Variants in RNF182 observed in about 807,000 individuals in gnomAD.
RNF182 encodes ring finger protein 182.
A neutral mutation model predicts 14.4 loss-of-function variants in RNF182; 15 were observed. That is an observed-to-expected ratio of 1.04 (90% confidence interval 0.70 to 1.60). RNF182 has a LOEUF of 1.60. Ranked by LOEUF, RNF182 falls within the 40% of genes most tolerant of loss-of-function variation. RNF182 has a pLI of 0.00. For missense variants in RNF182, 268 were observed against 294.8 expected (o/e 0.91, Z 0.67); for synonymous variants, 128 against 122.9 (o/e 1.04, Z -0.27).
intron 1 of RNF182, among the ~76,000 whole-genome samples, chr6:13,965,305 G>T (rs1400267267): frequency 6.6e-6 from 1 of 152,100 alleles, no homozygotes; most frequent in East Asian, 1.9e-4. Flanking sequence ...AAATATAAAG[G>T]AATGGAAACC....
chr6:13,942,948 A>G (rs1759337880), intron 1 of RNF182, among the ~76,000 whole-genome samples: 1 of 152,200 alleles, frequency 6.6e-6, no homozygotes, highest in African/African-American at 2.4e-5. Context: ...TTGTAGGTGT[A>G]GCATTCAATG....
At chr6:13,931,510 GT>G (rs1758968431) in intron 1 of RNF182, among the ~76,000 whole-genome samples, 1 of 152,136 alleles carries the variant, frequency 6.6e-6, no homozygotes, top group Admixed American at 6.5e-5. Flanking sequence ...ATGACATGGG[GT>G]TTTCCTGGAA....
chr6:13,972,319 AAAG>A (rs1051143049), intron 1 of RNF182, among the ~76,000 whole-genome samples: 3 of 151,936 alleles, frequency 2.0e-5, no homozygotes, highest in Non-Finnish European at 4.4e-5. Context: ...AAAAAAAAAA[AAAG>A]CAGGGCATAA....
At chr6:13,928,936 A>G (rs1464515087) in intron 1 of RNF182, among the ~76,000 whole-genome samples, 5 of 152,138 alleles carry the variant, frequency 3.3e-5, no homozygotes, top group African/African-American at 1.2e-4. Context: ...TGATGGCTCT[A>G]ATAATCTCTT....
chr6:13,977,858 T>C lies in RNF182; in HGVS notation c.739T>C (p.Ser247Pro), dbSNP rs1760380677. 6.2e-7 allele frequency: 1 copy of C among 1,605,998 alleles called. No homozygotes were observed. Among genetic ancestry groups the C allele is most frequent in the African/African-American group, 1.3e-5 (1 of 74,434 alleles). ...HEFLDCMAPP[S>P] The stretch of plus-strand genomic sequence containing the variant: ...ATTTCTAGACTGTATGGCACCTCCT[T>C]CTTAACTGATATGCAAAATAAGAAA... Residue 247 changes from serine (S) to proline (P), a missense_variant, in exon 3 of 3, where the codon TCT (serine) becomes CCT (proline). Physicochemically the swap from Ser to Pro is moderately conservative, Grantham distance 74 (BLOSUM62 -1). Transcript: ENST00000488300.
intron 1 of RNF182, among the ~76,000 whole-genome samples, chr6:13,960,009 A>C (rs1759827348): frequency 6.6e-6 from 1 of 152,168 alleles, no homozygotes; most frequent in Admixed American, 6.6e-5. Flanking sequence ...ATAGAAGAGG[A>C]GCTGGCAGAA....
At chr6:13,930,895 G>C (rs1758953176) in intron 1 of RNF182, among the ~76,000 whole-genome samples, 1 of 152,198 alleles carries the variant, frequency 6.6e-6, no homozygotes, top group East Asian at 1.9e-4. Flanking sequence ...CATGATTTGT[G>C]TGGATAAACC....
At chr6:13,963,903 A>G (rs964338179) in intron 1 of RNF182, among the ~76,000 whole-genome samples, 5 of 152,184 alleles carry the variant, frequency 3.3e-5, no homozygotes, top group South Asian at 4.1e-4. Flanking sequence ...AAGTTGCCAC[A>G]CATGATAGGG....
At chr6:13,945,884 G>A (rs1759426700) in intron 1 of RNF182, among the ~76,000 whole-genome samples, 1 of 152,048 alleles carries the variant, frequency 6.6e-6, no homozygotes, top group Non-Finnish European at 1.5e-5. Flanking sequence ...AAGAATTTGA[G>A]GTGAGTCCAC....
At chr6:13,953,561 A>T (rs749575612) in intron 1 of RNF182, among the ~76,000 whole-genome samples, 1 of 152,162 alleles carries the variant, frequency 6.6e-6, no homozygotes, top group Non-Finnish European at 1.5e-5. Flanking sequence ...GAGTCATGGA[A>T]TAGGCAGTGT....
At chr6:13,952,228 G>A (rs1270581973) in intron 1 of RNF182, among the ~76,000 whole-genome samples, 2 of 152,168 alleles carry the variant, frequency 1.3e-5, no homozygotes, top group African/African-American at 2.4e-5. Flanking sequence ...AAAAGTCTAG[G>A]CAGCTGCTTG....
At position 13,963,646 on chromosome 6, in the gene RNF182, G is replaced by T. The variant is rs114767852; in HGVS notation, c.-366-10564G>T. Among the ~76,000 whole-genome samples, 1,324 of 152,286 alleles carry T rather than the reference G, an allele frequency of 8.7e-3. 18 individuals carry two copies. The highest frequency in any genetic ancestry group is 0.03 in the African/African-American group (1,244 of 41,546). ...CTCTATGGTTTCTCATCTTCAGAGA[G>T]GCTAGCCTGGGCTTCTTTGATGGTG... is the stretch of plus-strand genomic sequence containing the variant. On this transcript the variant is annotated intron_variant, in intron 1 of 2. Coordinates refer to ENST00000488300, the MANE Select transcript of RNF182 (RefSeq NM_152737.4).
intron 1 of RNF182, among the ~76,000 whole-genome samples, chr6:13,957,781 A>G (rs1759766398): frequency 6.6e-6 from 1 of 152,252 alleles, no homozygotes; most frequent in African/African-American, 2.4e-5. Context: ...TTTTGCTAGT[A>G]TGTAAAGAAA....
chr6:13,945,134 G>A (rs767229323), intron 1 of RNF182, among the ~76,000 whole-genome samples: 2 of 152,186 alleles, frequency 1.3e-5, no homozygotes, highest in African/African-American at 2.4e-5. Flanking sequence ...GCCCTGTTAT[G>A]TTGGAGCTGG....
At chr6:13,950,034 T>G (rs1206602432) in intron 1 of RNF182, among the ~76,000 whole-genome samples, 3 of 152,242 alleles carry the variant, frequency 2.0e-5, no homozygotes, top group Non-Finnish European at 4.4e-5. Context: ...AAATAATTAT[T>G]CAGCCCTCTG....
In RNF182 at chr6:13,977,894, A is replaced by T. The variant is rs757661981; in HGVS notation, c.*31A>T. ...ATGCAAAATAAGAAATTGGACACAC[A>T]TTGCCCTGTTTGAGTGTGAAGTTAG... On this transcript the variant is annotated 3_prime_UTR_variant, in exon 3 of 3. Coordinates refer to ENST00000488300, the MANE Select transcript of RNF182 (RefSeq NM_152737.4). 6.4e-7 allele frequency: 1 copy of T among 1,568,124 alleles called. No individual in the cohort carries two copies. The highest frequency in any genetic ancestry group is 1.2e-5 in the South Asian group (1 of 83,570).
chr6:13,977,908 G>A lies in RNF182; in HGVS notation c.*45G>A, dbSNP rs1385441985. 17 of 1,514,774 alleles carry A rather than the reference G, an allele frequency of 1.1e-5. No individual in the cohort carries two copies. Among genetic ancestry groups the A allele is most frequent in the South Asian group, 2.7e-5 (2 of 75,280 alleles). The allele number at this position is 1,514,774 out of a possible 1,614,324, so 93.8% of individuals were successfully genotyped here. A position where few individuals can be genotyped will look rare whatever the true frequency, so the allele number is the denominator to read the frequency against. ...ATTGGACACACATTGCCCTGTTTGA[G>A]TGTGAAGTTAGATAATTTATAATTT... is the stretch of plus-strand genomic sequence containing the variant. On this transcript the variant is annotated 3_prime_UTR_variant, in exon 3 of 3. Coordinates refer to ENST00000488300, the MANE Select transcript of RNF182 (RefSeq NM_152737.4).
chr6:13,959,470 T>G (rs1759812174), intron 1 of RNF182, among the ~76,000 whole-genome samples: 1 of 152,222 alleles, frequency 6.6e-6, no homozygotes, highest in African/African-American at 2.4e-5. Context: ...AGAAGCTTAC[T>G]TTGGTTATTG....
chr6:13,934,746 A>G (rs1759064223), intron 1 of RNF182, among the ~76,000 whole-genome samples: 1 of 152,116 alleles, frequency 6.6e-6, no homozygotes, highest in Non-Finnish European at 1.5e-5. Context: ...ATCCAAATAA[A>G]TAAACAAGAA....
Sources: allele counts gnomAD v4.1 joint callset (sites outside exome capture counted in the v4.1 genomes callset), GRCh38; gene constraint gnomAD v4.1.1; transcripts MANE v1.5; gene names NCBI Gene and HGNC (gene_info 2026-07-23, HGNC 2026-07-21).